Variants in NEIL2 observed in about 807,000 individuals in gnomAD.
The protein encoded by NEIL2 is endonuclease 8-like 2.
Under a neutral mutation model 22.2 loss-of-function variants are expected in NEIL2, and 23 were observed. The ratio of observed to expected loss-of-function variants is 1.04; its 90% CI spans 0.75 to 1.47. The LOEUF (loss-of-function observed/expected upper bound fraction) is 1.47. Ranked by LOEUF, NEIL2 falls within the 40% of genes most tolerant of loss-of-function variation. The pLI is 0.00. For missense variants in NEIL2, 583 were observed against 404.7 expected (o/e 1.44, Z -3.78); for synonymous variants, 229 against 164.8 (o/e 1.39, Z -2.99).
At position 11,783,185 on chromosome 8, in the gene NEIL2, CCTGTTCTTT is replaced by C; in HGVS notation, c.492-15_492-7del. The C allele has an allele frequency of 6.2e-7, 1 of 1,612,434 alleles. No individual in the cohort carries two copies. Among genetic ancestry groups the C allele is most frequent in the Middle Eastern group, 1.7e-4 (1 of 6,054 alleles). On this transcript the variant is annotated splice_polypyrimidine_tract_variant and intron_variant, in intron 3 of 4. Coordinates refer to ENST00000284503, the MANE Select transcript of NEIL2 (RefSeq NM_145043.4). ...CTGTGGTAACGATGTGTACATATGACCTGTTCTTTCTTCCCAGGTTGGTCCTGCACTTTG... is the reference window on the plus strand; with the variant it reads ...CTGTGGTAACGATGTGTACATATGACCTTCCCAGGTTGGTCCTGCACTTTG...
chr8:11,774,072 A>G (rs1315734020), intron 2 of NEIL2, among the ~76,000 whole-genome samples: 1 of 152,152 alleles, frequency 6.6e-6, no homozygotes, highest in Admixed American at 6.6e-5. Flanking sequence ...GTGCAGGGGA[A>G]TTACCATTTA....
At chr8:11,777,816 A>C (rs1471679396) in intron 2 of NEIL2, among the ~76,000 whole-genome samples, 1 of 152,280 alleles carries the variant, frequency 6.6e-6, no homozygotes, top group African/African-American at 2.4e-5. Flanking sequence ...GAGCCTGGAA[A>C]GTCCAAGGGC....
chr8:11,777,631 G>C (rs1416842230), intron 2 of NEIL2, among the ~76,000 whole-genome samples: 1 of 152,154 alleles, frequency 6.6e-6, no homozygotes, highest in African/African-American at 2.4e-5. Context: ...GAATTATACA[G>C]TATTTGGAGT....
intron 2 of NEIL2, among the ~76,000 whole-genome samples, chr8:11,777,500 C>G (rs536394189): frequency 1.3e-5 from 2 of 152,186 alleles, no homozygotes; most frequent in Non-Finnish European, 1.5e-5. Context: ...TCTCCCCAAG[C>G]TGAGACTCCA....
chr8:11,778,898 G>C (rs1031339727), intron 2 of NEIL2, among the ~76,000 whole-genome samples: 52 of 116,736 alleles, frequency 4.5e-4, no homozygotes, highest in African/African-American at 1.7e-3. Context: ...GCTGCAGTGA[G>C]CCAAGATGGT....
chr8:11,779,502 G>T lies in NEIL2; in HGVS notation c.139-96G>T, dbSNP rs1804203324. 8.8e-6 allele frequency: 9 copies of T among 1,019,318 alleles called. No homozygotes were observed. The Admixed American group carries it at 1.4e-4, about 15-fold the overall frequency. The allele number at this position is 1,019,318 out of a possible 1,614,324, so 63.1% of individuals were successfully genotyped here. ...CATTTGGGAAGGCCCCCCAGGAGGG[G>T]TGAGAAGGAAGACCTTTGCAATAGG... is the stretch of plus-strand genomic sequence containing the variant. On this transcript the variant is annotated intron_variant, in intron 2 of 4. Transcript: ENST00000284503.
At chr8:11,777,531 C>A (rs1804014573) in intron 2 of NEIL2, among the ~76,000 whole-genome samples, 3 of 152,146 alleles carry the variant, frequency 2.0e-5, no homozygotes, top group Non-Finnish European at 4.4e-5. Context: ...ACGCTAACTC[C>A]CCCTTTCCTC....
intron 2 of NEIL2, among the ~76,000 whole-genome samples, 191 bp downstream of exon 2, chr8:11,771,776 A>G (rs539468335): frequency 2.6e-5 from 4 of 152,302 alleles, no homozygotes; most frequent in South Asian, 2.1e-4. Context: ...GTAGAACTGT[A>G]AAGAACACGT....
At chr8:11,773,972 G>A (rs1433841951) in intron 2 of NEIL2, among the ~76,000 whole-genome samples, 1 of 152,186 alleles carries the variant, frequency 6.6e-6, no homozygotes, top group South Asian at 2.1e-4. Context: ...TGGACTCACA[G>A]TTCTGCATGG....
intron 4 of NEIL2, among the ~76,000 whole-genome samples, chr8:11,784,099 G>C (rs1804686719): frequency 6.6e-6 from 1 of 152,250 alleles, no homozygotes; most frequent in African/African-American, 2.4e-5. Flanking sequence ...CAATCAGGCA[G>C]GTTGGTGGTG....
chr8:11,772,622 G>C (rs1803561284), intron 2 of NEIL2, among the ~76,000 whole-genome samples: 1 of 152,162 alleles, frequency 6.6e-6, no homozygotes, highest in South Asian at 2.1e-4. Flanking sequence ...TGCTTGTTGA[G>C]GGGAGAGGAC....
rs1157932867 is a variant in NEIL2, at chr8:11,786,507, A to G, written c.*234A>G. 1.7e-6 allele frequency: 1 copy of G among 576,418 alleles called. No homozygotes were observed. Among genetic ancestry groups the G allele is most frequent in the Non-Finnish European group, 3.1e-6 (1 of 323,046 alleles). The allele number at this position is 576,418 out of a possible 1,614,324, so 35.7% of individuals were successfully genotyped here. A position where few individuals can be genotyped will look rare whatever the true frequency, so the allele number is the denominator to read the frequency against. On this transcript the variant is annotated 3_prime_UTR_variant, in exon 5 of 5. Transcript: ENST00000284503. ...CATCCTGTTGAATTGCACCATCGTGAAAGATGGGAAAAATCGTGATGATGG... is the reference window on the plus strand; with the variant it reads ...CATCCTGTTGAATTGCACCATCGTGGAAGATGGGAAAAATCGTGATGATGG...
chr8:11,771,396 G>A (rs985720515), intron 1 of NEIL2, 50 bp from the exon 2 acceptor site: 2 of 1,610,682 alleles, frequency 1.2e-6, no homozygotes, highest in African/African-American at 1.3e-5. Flanking sequence ...AAAGATGCTA[G>A]AGATAAATGA....
intron 2 of NEIL2, among the ~76,000 whole-genome samples, chr8:11,778,290 G>GTTTT (rs34908835): frequency 1.5e-5 from 2 of 130,302 alleles, no homozygotes; most frequent in Non-Finnish European, 3.3e-5. Context: ...TCCTTGCTCA[G>GTTTT]TTTTTTTTTT....
At position 11,770,008 on chromosome 8, in the gene NEIL2, C is replaced by CA. The variant is rs1803290593; in HGVS notation, c.-329dup. On this transcript the variant is annotated 5_prime_UTR_variant, in exon 1 of 5. Transcript: ENST00000284503. ...GGGAAAGCAGTGGTCTTAGACCCCC[C>CA]ACCTCGGGCACTCGGAAGAGAACGG... 6.6e-6 allele frequency: 1 copy of CA among 152,228 alleles called. No homozygotes were observed. Among genetic ancestry groups the CA allele is most frequent in the Admixed American group, 6.5e-5 (1 of 15,288 alleles). 9.4% of individuals were successfully genotyped at this position (152,228 alleles called of 1,614,324 possible).
intron 2 of NEIL2, 53 bp downstream of exon 2, chr8:11,771,638 C>A: frequency 1.9e-6 from 3 of 1,570,652 alleles, no homozygotes; most frequent in South Asian, 1.2e-5. Flanking sequence ...CTGCGCCTCC[C>A]CTAGGATCTA....
At chr8:11,784,669 C>T (rs971364242) in intron 4 of NEIL2, among the ~76,000 whole-genome samples, 2 of 152,182 alleles carry the variant, frequency 1.3e-5, no homozygotes, top group African/African-American at 2.4e-5. Context: ...AGCATGGACT[C>T]AGTCCACTGT....
chr8:11,774,065 C>T (rs1803698295), intron 2 of NEIL2, among the ~76,000 whole-genome samples: 2 of 152,176 alleles, frequency 1.3e-5, no homozygotes, highest in African/African-American at 2.4e-5. Flanking sequence ...AGAGCTTGTG[C>T]AGGGGAATTA....
chr8:11,770,480 T>C (rs953470513), intron 1 of NEIL2, 145 bp downstream of exon 1: 5 of 152,268 alleles, frequency 3.3e-5, no homozygotes, highest in African/African-American at 1.2e-4. Flanking sequence ...TTGAATGTGC[T>C]GCTGCCGAAT....
Sources: gnomAD v4.1 joint callset for allele counts (sites outside exome capture counted in the v4.1 genomes callset) on GRCh38, gnomAD v4.1.1 for gene constraint, MANE v1.5 for transcripts, NCBI Gene and HGNC (gene_info 2026-07-23, HGNC 2026-07-21) for gene names.